SLC35F1: variants seen among roughly 807,000 people sequenced by gnomAD.
SLC35F1 encodes chromosome 6 open reading frame 169.
Under a neutral mutation model 48.7 loss-of-function variants are expected in SLC35F1, and 14 were observed. The ratio of observed to expected loss-of-function variants is 0.29; its 90% CI spans 0.19 to 0.45. SLC35F1 has a LOEUF of 0.45. Ranked by LOEUF, SLC35F1 falls within the 20% of genes least tolerant of loss-of-function variation. The pLI, the probability that SLC35F1 is intolerant of heterozygous loss-of-function variation, is 1.00. For missense variants in SLC35F1, 404 were observed against 500.0 expected, an observed-to-expected ratio of 0.81 and a Z score of 1.83; for synonymous variants, 190 against 202.2, an observed-to-expected ratio of 0.94 and a Z score of 0.51.
chr6:118,288,660 T>C (rs1400541748), intron 7 of SLC35F1, among the ~76,000 whole-genome samples: 1 of 152,162 alleles, frequency 6.6e-6, no homozygotes, highest in Non-Finnish European at 1.5e-5. Flanking sequence ...TTAATGCCAG[T>C]TGGCTCTTCC....
chr6:118,080,983 C>G (rs1469645229), intron 1 of SLC35F1, among the ~76,000 whole-genome samples: 2 of 152,076 alleles, frequency 1.3e-5, no homozygotes, highest in Non-Finnish European at 1.5e-5. Context: ...TATATTGGTC[C>G]CTTTACTTTC....
intron 1 of SLC35F1, among the ~76,000 whole-genome samples, chr6:118,106,504 G>A (rs965307332): frequency 6.6e-6 from 1 of 152,132 alleles, no homozygotes; most frequent in Non-Finnish European, 1.5e-5. Context: ...CCACTGCTAA[G>A]CTAAATCTGA....
intron 1 of SLC35F1, among the ~76,000 whole-genome samples, chr6:117,916,339 T>TACC (rs1775825735): frequency 6.6e-6 from 1 of 152,242 alleles, no homozygotes; most frequent in Admixed American, 6.5e-5. Context: ...TTCTATGAAT[T>TACC]GTTAAAAAAC....
At chr6:118,147,523 T>A (rs9387561) in intron 1 of SLC35F1, among the ~76,000 whole-genome samples, 3,980 of 152,176 alleles carry the variant, frequency 0.026, 317 homozygotes, top group East Asian at 0.19. Context: ...AGAAGTGTCA[T>A]ACACACGTGT....
chr6:118,152,285 G>C (rs1774072307), intron 1 of SLC35F1, among the ~76,000 whole-genome samples: 1 of 152,210 alleles, frequency 6.6e-6, no homozygotes, highest in Non-Finnish European at 1.5e-5. Flanking sequence ...AAGGCTGAAA[G>C]TGCTTCATGG....
intron 2 of SLC35F1, among the ~76,000 whole-genome samples, chr6:118,212,495 C>T (rs1216080534): frequency 6.6e-6 from 1 of 151,910 alleles, no homozygotes; most frequent in Non-Finnish European, 1.5e-5. Flanking sequence ...TTGAAGACCA[C>T]CCTGGCCAAC....
At chr6:118,118,191 A>G (rs1307101471) in intron 1 of SLC35F1, among the ~76,000 whole-genome samples, 1 of 152,216 alleles carries the variant, frequency 6.6e-6, no homozygotes, top group Non-Finnish European at 1.5e-5. Context: ...CACCTGCAAC[A>G]TAGGAGAACT....
At chr6:118,163,387 A>C (rs977359093) in intron 2 of SLC35F1, among the ~76,000 whole-genome samples, 2 of 150,826 alleles carry the variant, frequency 1.3e-5, no homozygotes, top group African/African-American at 4.9e-5. Flanking sequence ...ACTCTTAATG[A>C]ATCCTTACAT....
intron 7 of SLC35F1, among the ~76,000 whole-genome samples, chr6:118,310,501 A>G (rs1776360650): frequency 6.6e-6 from 1 of 152,166 alleles, no homozygotes. Flanking sequence ...AAGGAAAAAT[A>G]AAACTTTTTT....
chr6:118,182,517 AGAGAAGGAAGGAAG>A (rs1774593876), intron 2 of SLC35F1, among the ~76,000 whole-genome samples: 2 of 134,904 alleles, frequency 1.5e-5, no homozygotes, highest in African/African-American at 5.6e-5. Flanking sequence ...AGAGAGAGAG[AGAGAAGGAAGGAAG>A]GAAGGAAGGA....
intron 4 of SLC35F1, 102 bp downstream of exon 4, chr6:118,267,256 T>C: frequency 7.4e-7 from 1 of 1,347,422 alleles, no homozygotes; most frequent in South Asian, 1.3e-5. Flanking sequence ...CTTAGGAACC[T>C]GGATTTCCCA....
intron 1 of SLC35F1, among the ~76,000 whole-genome samples, chr6:117,993,301 C>T (rs1776944040): frequency 2.6e-5 from 4 of 152,026 alleles, no homozygotes; most frequent in Admixed American, 2.6e-4. Flanking sequence ...AATGTTTACC[C>T]TTAACCACAT....
intron 2 of SLC35F1, among the ~76,000 whole-genome samples, chr6:118,159,251 C>T (rs918577535): frequency 1.6e-5 from 2 of 128,400 alleles, no homozygotes; most frequent in Middle Eastern, 4.4e-3. Context: ...AAAAAAAGTG[C>T]TTACTGTTCA....
intron 2 of SLC35F1, among the ~76,000 whole-genome samples, chr6:118,180,362 C>A (rs1441580084): frequency 6.6e-6 from 1 of 151,706 alleles, no homozygotes; most frequent in East Asian, 1.9e-4. Flanking sequence ...AAAGAGGCAG[C>A]GTAACAATAA....
At chr6:117,964,857 G>A (rs1212451867) in intron 1 of SLC35F1, among the ~76,000 whole-genome samples, 1 of 152,236 alleles carries the variant, frequency 6.6e-6, no homozygotes, top group Non-Finnish European at 1.5e-5. Flanking sequence ...CAGCAGAGGA[G>A]ACGGGAGGTC....
chr6:118,154,717 A>G (rs1774114584), intron 2 of SLC35F1, 97 bp downstream of exon 2: 1 of 1,213,962 alleles, frequency 8.2e-7, no homozygotes, highest in Non-Finnish European at 1.1e-6. Flanking sequence ...AGCATCAGTT[A>G]AGATCATTGA....
intron 1 of SLC35F1, among the ~76,000 whole-genome samples, chr6:118,125,194 G>A (rs1392595562): frequency 6.6e-6 from 1 of 152,130 alleles, no homozygotes; most frequent in East Asian, 1.9e-4. Context: ...TCAGAATTAA[G>A]AATTCAGGTT....
intron 1 of SLC35F1, among the ~76,000 whole-genome samples, chr6:117,919,587 T>C (rs1411108027): frequency 2.0e-5 from 3 of 152,178 alleles, no homozygotes; most frequent in Non-Finnish European, 2.9e-5. Context: ...GTTTTTGTCA[T>C]GAGCCTTGTC....
In SLC35F1 at chr6:117,977,290, G is replaced by C. The variant is rs180916436; in HGVS notation, c.173+69391G>C. ...CGGCCCACTGCAACCTCTGCCTCCC[G>C]GGTTCAAGCGATTCTCCTGCCTCAG... is the stretch of plus-strand genomic sequence containing the variant. On this transcript the variant is annotated intron_variant, in intron 1 of 7. Transcript: ENST00000360388. Among the ~76,000 whole-genome samples the C allele has an allele frequency of 1.0e-3, 157 of 150,562 alleles. 2 individuals carry two copies. The East Asian group carries it at 0.026, about 25-fold the overall frequency.
Sources: allele counts gnomAD v4.1 joint callset (sites outside exome capture counted in the v4.1 genomes callset), GRCh38; gene constraint gnomAD v4.1.1; transcripts MANE v1.5; gene names NCBI Gene and HGNC (gene_info 2026-07-23, HGNC 2026-07-21).